Variants in CCDC39 observed in about 807,000 individuals in gnomAD.
The protein encoded by CCDC39 is coiled-coil domain 39 molecular ruler complex subunit, also known as coiled-coil domain-containing protein 39.
A neutral mutation model predicts 121.0 loss-of-function variants in CCDC39; 113 were observed. That is an observed-to-expected ratio of 0.93 (90% confidence interval 0.80 to 1.09). The LOEUF (loss-of-function observed/expected upper bound fraction) is 1.09, where lower values mean the gene tolerates loss of function less well. Ranked by LOEUF, CCDC39 falls within the 50% of genes least tolerant of loss-of-function variation. CCDC39 has a pLI of 0.00. For missense variants in CCDC39, 1,063 were observed against 1,074.7 expected (o/e 0.99, Z 0.15); for synonymous variants, 349 against 352.2 (o/e 0.99, Z 0.10).
At position 180,661,987 on chromosome 3, in the gene CCDC39, C is replaced by T. The variant is rs763251719; in HGVS notation, c.231G>A (p.Glu77=). The change falls in exon 3 of 20, where the codon GAG becomes GAA. Residue 77 remains glutamate, a synonymous_variant. Coordinates refer to ENST00000476379, the MANE Select transcript of CCDC39 (RefSeq NM_181426.2). ...AATGTTCTTCACTTTCAGTCTCACG[C>T]TCCCTTGCTTTGCAAAGAGACTACA... ...SITQSLCKAR[E]RETESEEHFK... 8 of 1,552,822 alleles carry T rather than the reference C, an allele frequency of 5.2e-6. No homozygotes were observed. The highest frequency in any genetic ancestry group is 1.4e-5 in the African/African-American group (1 of 73,190).
rs745903361 is a variant in CCDC39, at chr3:180,617,520, G to A, written c.2266-554C>T. ...CCCTGAAGACCTTCAAGTGGGACAA[G>A]ATATGGAGGTGGAAGACAGTGGTAT... On this transcript the variant is annotated intron_variant, in intron 16 of 19. Transcript: ENST00000476379. 50 of 653,174 alleles carry A rather than the reference G, an allele frequency of 7.7e-5. 2 individuals carry two copies. The South Asian group carries it at 8.1e-4, about 11-fold the overall frequency. 40.5% of individuals were successfully genotyped at this position (653,174 alleles called of 1,614,324 possible).
chr3:180,677,168 T>TTATATACA (rs1712247840), intron 1 of CCDC39, among the ~76,000 whole-genome samples: 1 of 35,176 alleles, frequency 2.8e-5, no homozygotes, highest in Non-Finnish European at 5.3e-5. Context: ...AATAATAATT[T>TTATATACA]TATATATATA....
chr3:180,677,600 A>G (rs887943804), intron 1 of CCDC39, among the ~76,000 whole-genome samples: 2 of 152,112 alleles, frequency 1.3e-5, no homozygotes, highest in African/African-American at 4.8e-5. Flanking sequence ...GAATTTTTTT[A>G]GCAATCAGCA....
chr3:180,624,344 G>A (rs1175276372), intron 14 of CCDC39, among the ~76,000 whole-genome samples: 1 of 151,922 alleles, frequency 6.6e-6, no homozygotes, highest in African/African-American at 2.4e-5. Context: ...CATATTGTTG[G>A]ATCACATTTT....
intron 1 of CCDC39, among the ~76,000 whole-genome samples, chr3:180,678,887 T>C (rs1712310130): frequency 1.3e-5 from 2 of 152,140 alleles, no homozygotes; most frequent in African/African-American, 2.4e-5. Flanking sequence ...TGGAGTTTAA[T>C]TTATAAACGT....
At chr3:180,644,668 A>T (rs1718031881) in intron 11 of CCDC39, among the ~76,000 whole-genome samples, 2 of 152,218 alleles carry the variant, frequency 1.3e-5, no homozygotes, top group Admixed American at 1.3e-4. Flanking sequence ...ATCTTCCTGT[A>T]TACCTTTAAT....
intron 13 of CCDC39, among the ~76,000 whole-genome samples, chr3:180,632,478 T>C (rs1391855945): frequency 2.0e-5 from 3 of 152,126 alleles, no homozygotes; most frequent in Non-Finnish European, 4.4e-5. Context: ...TAAGATATAT[T>C]TAGTGTCATA....
Position 180,616,497 on chromosome 3 carries a change from A to G in CCDC39, c.2586+19T>C, listed in dbSNP as rs1360892276. On this transcript the variant is annotated intron_variant, in intron 18 of 19. Transcript: ENST00000476379. Reference sequence around the variant, plus strand: ...TCATGAAGTTTTTAAGAAATATTTAATAGAAGGTGCTGTATTACCTGTTGA... The same window carrying G: ...TCATGAAGTTTTTAAGAAATATTTAGTAGAAGGTGCTGTATTACCTGTTGA... The G allele has an allele frequency of 6.6e-7, 1 of 1,515,078 alleles. No homozygotes were observed. Among genetic ancestry groups the G allele is most frequent in the African/African-American group, 1.4e-5 (1 of 71,448 alleles). The allele number at this position is 1,515,078 out of a possible 1,614,324, so 93.9% of individuals were successfully genotyped here.
intron 1 of CCDC39, among the ~76,000 whole-genome samples, chr3:180,673,130 A>G (rs534876446): frequency 1.4e-4 from 21 of 152,372 alleles, no homozygotes; most frequent in Admixed American, 3.3e-4. Flanking sequence ...TTGAGATAGT[A>G]TCTACTCCTA....
At chr3:180,629,725 T>C (rs566008578) in intron 14 of CCDC39, among the ~76,000 whole-genome samples, 2 of 152,340 alleles carry the variant, frequency 1.3e-5, no homozygotes, top group South Asian at 4.1e-4. Context: ...TGGGAATAAC[T>C]GCGTGGCAAG....
chr3:180,616,493 T>C (rs759773953), intron 18 of CCDC39, 23 bp downstream of exon 18: 3 of 1,512,768 alleles, frequency 2.0e-6, no homozygotes, highest in Admixed American at 4.5e-5. Context: ...TTAAGAAATA[T>C]TTAATAGAAG....
At chr3:180,663,203 G>C (rs1457498032) in intron 2 of CCDC39, among the ~76,000 whole-genome samples, 1 of 151,928 alleles carries the variant, frequency 6.6e-6, no homozygotes, top group African/African-American at 2.4e-5. Flanking sequence ...TAGACTACTG[G>C]CCTCCACTCA....
intron 8 of CCDC39, among the ~76,000 whole-genome samples, chr3:180,651,873 TA>T (rs1400265817): frequency 1.3e-5 from 2 of 152,030 alleles, no homozygotes; most frequent in African/African-American, 2.4e-5. Flanking sequence ...CCGTCTCTAA[TA>T]AAAATACAAA....
Position 180,654,946 on chromosome 3 carries a change from G to C in CCDC39, c.746C>G (p.Ala249Gly), listed in dbSNP as rs762879717. 3.2e-6 allele frequency: 5 copies of C among 1,541,690 alleles called. No homozygotes were observed. In the East Asian group the frequency reaches 1.2e-4, roughly 37 times the overall value. Residue 249 changes from alanine (A) to glycine (G), a missense_variant, in exon 7 of 20, where the codon GCA becomes GGA. Transcript: ENST00000476379. ...GDIDNCALEL[A>G]RIKQETREKE... ...TTCTCTCGTTTCCTGCTTTATCCTT[G>C]CTAATTCCTAGGATTAAAACAAATA...
At chr3:180,627,257 C>T (rs906475711) in intron 14 of CCDC39, among the ~76,000 whole-genome samples, 1 of 152,170 alleles carries the variant, frequency 6.6e-6, no homozygotes, top group African/African-American at 2.4e-5. Context: ...ATAAGTATTA[C>T]ATAATTTTAA....
chr3:180,679,434 G>A lies in CCDC39; in HGVS notation c.-54C>T, dbSNP rs1020974735. The A allele has an allele frequency of 3.3e-6, 5 of 1,531,010 alleles. No individual in the cohort carries two copies. Among genetic ancestry groups the A allele is most frequent in the African/African-American group, 1.4e-5 (1 of 72,760 alleles). The allele number at this position is 1,531,010 out of a possible 1,614,324, so 94.8% of individuals were successfully genotyped here. On this transcript the variant is annotated 5_prime_UTR_variant, in exon 1 of 20. Coordinates refer to ENST00000476379, the MANE Select transcript of CCDC39 (RefSeq NM_181426.2). The surrounding 1 kb of genome is among the most constrained non-coding windows in gnomAD (Gnocchi z 4.0). ...GCAAAGATCCGCCTTCTTGTACAGCGGGTGAGCAGCACCCGCGTCAAGCCC... is the reference window on the plus strand; with the variant it reads ...GCAAAGATCCGCCTTCTTGTACAGCAGGTGAGCAGCACCCGCGTCAAGCCC...
At chr3:180,643,246 A>T (rs546092126) in intron 12 of CCDC39, among the ~76,000 whole-genome samples, 1 of 152,222 alleles carries the variant, frequency 6.6e-6, no homozygotes, top group African/African-American at 2.4e-5. Flanking sequence ...GGTGTGAGCC[A>T]CCGTGCCCGG....
rs886058196 is a variant in CCDC39 at position 180,614,764 on chromosome 3, A to G, written c.*157T>C. 2 of 603,920 alleles carry G rather than the reference A, an allele frequency of 3.3e-6. No individual in the cohort carries two copies. Among genetic ancestry groups the G allele is most frequent in the Non-Finnish European group, 5.4e-6 (2 of 367,220 alleles). The allele number at this position is 603,920 out of a possible 1,614,324, so 37.4% of individuals were successfully genotyped here. On this transcript the variant is annotated 3_prime_UTR_variant, in exon 20 of 20. Transcript: ENST00000476379. ...CTTCAGTATGAAGAAAACAGTAGAG[A>G]AAATGAGAACGTTCCTTTTTTTTTA...
At position 180,663,144 on chromosome 3, in the gene CCDC39, C is replaced by A. The variant is rs1711782922; in HGVS notation, c.210+723G>T. ...CTTAAGTATAATCTAACTTTTTAATCTCAGGATTATTATTATGAATTTCAA... is the reference window on the plus strand; with the variant it reads ...CTTAAGTATAATCTAACTTTTTAATATCAGGATTATTATTATGAATTTCAA... On this transcript the variant is annotated intron_variant, in intron 2 of 19. Transcript: ENST00000476379. 2.0e-5 allele frequency among the ~76,000 whole-genome samples: 3 copies of A among 152,210 alleles called. No homozygotes were observed. The South Asian group carries it at 6.2e-4, about 32-fold the overall frequency.
Sources: allele counts gnomAD v4.1 joint callset (sites outside exome capture counted in the v4.1 genomes callset), GRCh38; gene constraint gnomAD v4.1.1; non-coding constraint Gnocchi (gnomAD v3.1); transcripts MANE v1.5; gene names NCBI Gene and HGNC (gene_info 2026-07-23, HGNC 2026-07-21).